Variants in ROBO1 observed in about 807,000 individuals in gnomAD.
ROBO1 encodes roundabout guidance receptor 1.
A neutral mutation model predicts 195.9 loss-of-function variants in ROBO1; 149 were observed. That is an observed-to-expected ratio of 0.76 (90% CI 0.67 to 0.87). The LOEUF (loss-of-function observed/expected upper bound fraction) is 0.87. Among genes scored for constraint, ROBO1 ranks in the 40% least tolerant of loss-of-function variants. ROBO1 has a pLI of 0.00. For missense variants in ROBO1, 1,933 were observed against 2,068.3 expected (o/e 0.93, Z 1.27); for synonymous variants, 816 against 733.2 (o/e 1.11, Z -1.82).
chr3:79,705,389 C>T (rs1272215093), intron 1 of ROBO1, among the ~76,000 whole-genome samples: 1 of 150,376 alleles, frequency 6.6e-6, no homozygotes, highest in Non-Finnish European at 1.5e-5. Context: ...TTTGTTTTCT[C>T]ATGGGGATGT....
At chr3:79,752,849 A>T (rs1202155150) in intron 1 of ROBO1, among the ~76,000 whole-genome samples, 1 of 152,182 alleles carries the variant, frequency 6.6e-6, no homozygotes, top group Non-Finnish European at 1.5e-5. Flanking sequence ...CTGAGATACA[A>T]TTTTAAAAAT....
At chr3:79,612,119 G>A (rs1198810592) in intron 1 of ROBO1, among the ~76,000 whole-genome samples, 2,206 of 150,048 alleles carry the variant, frequency 0.015, 52 homozygotes, top group African/African-American at 0.05. Flanking sequence ...ATGCTGGTGC[G>A]CTGCACCCAC....
At chr3:79,328,908 T>C (rs1366580244) in intron 2 of ROBO1, among the ~76,000 whole-genome samples, 1 of 152,160 alleles carries the variant, frequency 6.6e-6, no homozygotes, top group African/African-American at 2.4e-5. Flanking sequence ...AGGTTTCCAT[T>C]CCTGAGTTAC....
chr3:78,845,752 G>A (rs189338082), intron 4 of ROBO1, among the ~76,000 whole-genome samples: 4 of 152,292 alleles, frequency 2.6e-5, no homozygotes, highest in Admixed American at 2.6e-4. Flanking sequence ...ATGTCTACCT[G>A]TTTTAATCCC....
At chr3:78,754,072 C>T (rs2082867096) in intron 4 of ROBO1, among the ~76,000 whole-genome samples, 1 of 152,164 alleles carries the variant, frequency 6.6e-6, no homozygotes, top group South Asian at 2.1e-4. Context: ...CAGGTACGTT[C>T]ACAATGACTC....
chr3:79,621,599 G>A (rs757312958), intron 1 of ROBO1, among the ~76,000 whole-genome samples: 3 of 152,062 alleles, frequency 2.0e-5, no homozygotes, highest in Non-Finnish European at 4.4e-5. Flanking sequence ...AAAGGACTGA[G>A]GTTTTATTTT....
At chr3:79,026,600 G>A (rs1292952845) in intron 3 of ROBO1, among the ~76,000 whole-genome samples, 1 of 151,988 alleles carries the variant, frequency 6.6e-6, no homozygotes, top group Admixed American at 6.6e-5. Flanking sequence ...TATTGTACAT[G>A]TTGGTTAAGA....
chr3:79,575,037 TA>T (rs1478711784), intron 2 of ROBO1, among the ~76,000 whole-genome samples: 6 of 148,592 alleles, frequency 4.0e-5, no homozygotes, highest in Non-Finnish European at 5.9e-5. Flanking sequence ...GATTTTCAAA[TA>T]TTTTTTTGCA....
At chr3:78,770,803 T>C (rs895967328) in intron 4 of ROBO1, among the ~76,000 whole-genome samples, 3 of 152,172 alleles carry the variant, frequency 2.0e-5, no homozygotes, top group Non-Finnish European at 4.4e-5. Flanking sequence ...TGATGGCTGA[T>C]ACCTGTGATT....
In ROBO1 at chr3:78,848,218, C is replaced by A. The variant is rs569484504; in HGVS notation, c.499+90383G>T. 2.0e-5 allele frequency among the ~76,000 whole-genome samples: 3 copies of A among 152,206 alleles called. No individual in the cohort carries two copies. In the South Asian group the frequency reaches 6.2e-4, roughly 32 times the overall value. The stretch of plus-strand genomic sequence containing the variant: ...ATGTTTATTTATTTAACTTATTTAT[C>A]TACTTTTAAAAGTAGAAATTTTAAA... On this transcript the variant is annotated intron_variant, in intron 4 of 30. Coordinates refer to ENST00000464233, the MANE Select transcript of ROBO1 (RefSeq NM_002941.4).
chr3:78,711,923 G>C (rs2081762031), intron 8 of ROBO1, among the ~76,000 whole-genome samples: 1 of 145,106 alleles, frequency 6.9e-6, no homozygotes, highest in African/African-American at 2.5e-5. Flanking sequence ...TACACAAGTA[G>C]AAAAGCCACG....
chr3:79,636,629 C>T (rs750259649), intron 1 of ROBO1, among the ~76,000 whole-genome samples: 6 of 152,136 alleles, frequency 3.9e-5, no homozygotes, highest in Admixed American at 6.5e-5. Flanking sequence ...GAGAACAAGG[C>T]TCCCCTCACG....
intron 2 of ROBO1, among the ~76,000 whole-genome samples, chr3:79,541,475 A>G (rs778658386): frequency 2.6e-5 from 4 of 152,122 alleles, no homozygotes; most frequent in Non-Finnish European, 5.9e-5. Flanking sequence ...AGCACAGTCT[A>G]TCACAATTCC....
chr3:78,687,522 C>T lies in ROBO1; in HGVS notation c.1170+1126G>A, dbSNP rs78082702. Reference sequence around the variant, plus strand: ...ATTAGAAGCAAGACCATGAAACAAACACCCACGACTGATTTAAGCAAAATT... The same window carrying T: ...ATTAGAAGCAAGACCATGAAACAAATACCCACGACTGATTTAAGCAAAATT... On this transcript the variant is annotated intron_variant, in intron 9 of 30. Coordinates refer to ENST00000464233, the MANE Select transcript of ROBO1 (RefSeq NM_002941.4). Among the ~76,000 whole-genome samples the T allele has an allele frequency of 7.1e-4, 108 of 152,310 alleles. 1 individual carries two copies. The East Asian group carries it at 0.014, about 20-fold the overall frequency.
At chr3:79,740,490 T>G (rs1310105297) in intron 1 of ROBO1, among the ~76,000 whole-genome samples, 2 of 151,972 alleles carry the variant, frequency 1.3e-5, no homozygotes, top group African/African-American at 4.8e-5. Flanking sequence ...GACTCACAGT[T>G]CCGCATGGCT....
chr3:79,123,140 C>A (rs907586970), intron 3 of ROBO1, among the ~76,000 whole-genome samples: 7 of 151,932 alleles, frequency 4.6e-5, no homozygotes, highest in African/African-American at 1.7e-4. Context: ...AAACTTCTTG[C>A]TGCTATGCCC....
At chr3:79,498,694 A>C (rs532184698) in intron 2 of ROBO1, among the ~76,000 whole-genome samples, 20 of 152,114 alleles carry the variant, frequency 1.3e-4, no homozygotes, top group Admixed American at 8.5e-4. Flanking sequence ...TCTCTACTAA[A>C]TATACAAAAA....
At chr3:79,116,760 C>T (rs1035329999) in intron 3 of ROBO1, among the ~76,000 whole-genome samples, 7 of 151,928 alleles carry the variant, frequency 4.6e-5, no homozygotes, top group Admixed American at 2.6e-4. Flanking sequence ...GTAAGTGATC[C>T]GCCCACCTTG....
intron 2 of ROBO1, among the ~76,000 whole-genome samples, chr3:79,137,067 A>G (rs1318457330): frequency 1.3e-5 from 2 of 152,128 alleles, no homozygotes; most frequent in East Asian, 3.8e-4. Flanking sequence ...TGCTGCTATA[A>G]GAAAAATCAA....
Sources: allele counts gnomAD v4.1 joint callset (sites outside exome capture counted in the v4.1 genomes callset), GRCh38; gene constraint gnomAD v4.1.1; transcripts MANE v1.5; gene names NCBI Gene and HGNC (gene_info 2026-07-23, HGNC 2026-07-21).